VSTM4: variants seen among roughly 807,000 people sequenced by gnomAD.
VSTM4 encodes V-set and transmembrane domain-containing protein 4.
VSTM4 carries 20 observed loss-of-function variants against 36.4 expected under a neutral mutation model. The observed-to-expected ratio is 0.55, with a 90% CI of 0.39 to 0.80. The LOEUF (loss-of-function observed/expected upper bound fraction) is 0.80, where lower values mean the gene tolerates loss of function less well. Among genes scored for constraint, VSTM4 ranks in the 30% least tolerant of loss-of-function variants. The probability of loss-of-function intolerance (pLI) is 0.00; values close to 1 mark genes in which losing one functional copy is unlikely to be tolerated. For missense variants in VSTM4, 392 were observed against 404.5 expected, an observed-to-expected ratio of 0.97 and a Z score of 0.26; for synonymous variants, 182 against 173.9, an observed-to-expected ratio of 1.05 and a Z score of -0.37.
At chr10:49,047,935 C>T (rs1311447658) in intron 6 of VSTM4, among the ~76,000 whole-genome samples, 1 of 152,204 alleles carries the variant, frequency 6.6e-6, no homozygotes, top group African/African-American at 2.4e-5. Flanking sequence ...AGTCTTGGTT[C>T]TCCTAATACT....
intron 2 of VSTM4, among the ~76,000 whole-genome samples, chr10:49,100,406 T>C (rs1844646274): frequency 6.6e-6 from 1 of 152,212 alleles, no homozygotes; most frequent in Admixed American, 6.5e-5. Flanking sequence ...TTGCCAAATA[T>C]AACTCAACAA....
intron 7 of VSTM4, among the ~76,000 whole-genome samples, chr10:49,046,565 T>C (rs549118067): frequency 6.6e-6 from 1 of 152,386 alleles, no homozygotes; most frequent in Non-Finnish European, 1.5e-5. Context: ...TGAAGGTACA[T>C]GGGACCACTC....
At chr10:49,105,448 G>A (rs902578310) in intron 2 of VSTM4, among the ~76,000 whole-genome samples, 2 of 151,768 alleles carry the variant, frequency 1.3e-5, no homozygotes, top group African/African-American at 2.4e-5. Context: ...GAGGAAAGAC[G>A]AAGAAGAAAA....
intron 2 of VSTM4, among the ~76,000 whole-genome samples, chr10:49,089,537 T>C (rs1844434156): frequency 6.6e-6 from 1 of 152,158 alleles, no homozygotes; most frequent in Non-Finnish European, 1.5e-5. Flanking sequence ...CTCTCCCTAA[T>C]CTATTTATGG....
chr10:49,075,931 CTGGTT>C (rs1564584427), intron 4 of VSTM4, among the ~76,000 whole-genome samples: 1 of 152,178 alleles, frequency 6.6e-6, no homozygotes, highest in East Asian at 1.9e-4. Context: ...CAGCTGCCTC[CTGGTT>C]TGTCAGGAGC....
intron 5 of VSTM4, among the ~76,000 whole-genome samples, chr10:49,058,574 C>T (rs974454147): frequency 1.3e-4 from 20 of 151,958 alleles, no homozygotes; most frequent in Admixed American, 1.3e-3. Flanking sequence ...GAACAGTCTC[C>T]CACTCCTGAA....
intron 5 of VSTM4, among the ~76,000 whole-genome samples, 186 bp from the exon 6 acceptor site, chr10:49,048,770 G>A (rs966625190): frequency 6.6e-6 from 1 of 152,222 alleles, no homozygotes; most frequent in Non-Finnish European, 1.5e-5. Context: ...CTGGAAGTCT[G>A]GTACTGATCT....
chr10:49,072,720 A>G (rs1475822645), intron 4 of VSTM4, among the ~76,000 whole-genome samples: 1 of 152,176 alleles, frequency 6.6e-6, no homozygotes, highest in Non-Finnish European at 1.5e-5. Context: ...TGGTGACACC[A>G]CAGGGAGAGA....
At chr10:49,077,107 C>A (rs541676620) in intron 4 of VSTM4, 112 bp downstream of exon 4, 7 of 1,066,104 alleles carry the variant, frequency 6.6e-6, no homozygotes, top group South Asian at 1.5e-5. Context: ...GGTAAATAAT[C>A]CCTGACTCAC....
chr10:49,103,602 G>C (rs949481900), intron 2 of VSTM4: 55 of 1,458,490 alleles, frequency 3.8e-5, no homozygotes, highest in Non-Finnish European at 4.7e-5. Flanking sequence ...TCAGAACTGG[G>C]AGTTATTTTT....
At chr10:49,025,272 G>C (rs1843242744) in intron 7 of VSTM4, among the ~76,000 whole-genome samples, 1 of 152,192 alleles carries the variant, frequency 6.6e-6, no homozygotes. Flanking sequence ...GAGGACAGAA[G>C]AGAATGGAAG....
At position 49,107,948 on chromosome 10, in the gene VSTM4, C is replaced by T. The variant is rs1019318088; in HGVS notation, c.103G>A (p.Asp35Asn). The change falls in exon 2 of 8, where the codon GAC becomes AAC. Residue 35 changes from aspartate (D) to asparagine (N), a missense_variant. Transcript: ENST00000332853. ...NVTVSPGPVV[D>N]YLEGENATLL... Reference sequence around the variant, plus strand: ...GTGGCATTCTCCCCCTCCAGGTAGTCAACCACGGGCCCCGGGGACACAGTG... The same window carrying T: ...GTGGCATTCTCCCCCTCCAGGTAGTTAACCACGGGCCCCGGGGACACAGTG... The T allele has an allele frequency of 6.2e-7, 1 of 1,607,920 alleles. No individual in the cohort carries two copies. The highest frequency in any genetic ancestry group is 8.5e-7 in the Non-Finnish European group (1 of 1,176,880).
intron 5 of VSTM4, among the ~76,000 whole-genome samples, chr10:49,061,468 A>G (rs1319434002): frequency 6.6e-6 from 1 of 152,172 alleles, no homozygotes; most frequent in African/African-American, 2.4e-5. Flanking sequence ...CAATCAGTAG[A>G]TGAGGGGGAG....
At position 49,018,082 on chromosome 10, in the gene VSTM4, G is replaced by A. The variant is rs1374888192; in HGVS notation, c.*1568C>T. Reference sequence around the variant, plus strand: ...GTTTGCTCCCAGAAAATCAATATCTGCTTCCAATTTGGACCCTTTCCAATA... The same window carrying A: ...GTTTGCTCCCAGAAAATCAATATCTACTTCCAATTTGGACCCTTTCCAATA... On this transcript the variant is annotated 3_prime_UTR_variant, in exon 8 of 8. Coordinates refer to ENST00000332853, the MANE Select transcript of VSTM4 (RefSeq NM_001031746.5). 6.6e-6 allele frequency: 1 copy of A among 152,228 alleles called. No homozygotes were observed. The highest frequency in any genetic ancestry group is 1.5e-5 in the Non-Finnish European group (1 of 68,046). 9.4% of individuals were successfully genotyped at this position (152,228 alleles called of 1,614,324 possible). A position where few individuals can be genotyped will look rare whatever the true frequency, so the allele number is the denominator to read the frequency against.
intron 7 of VSTM4, among the ~76,000 whole-genome samples, chr10:49,020,352 C>T (rs530629234): frequency 3.1e-4 from 47 of 151,958 alleles, no homozygotes; most frequent in African/African-American, 1.1e-3. Context: ...GTAAATCAGG[C>T]CTCCAACTCA....
At chr10:49,044,306 T>G (rs896182494) in intron 7 of VSTM4, among the ~76,000 whole-genome samples, 1 of 149,270 alleles carries the variant, frequency 6.7e-6, no homozygotes, top group Non-Finnish European at 1.5e-5. Context: ...CCAGCTTGGG[T>G]GACAGAACAA....
intron 4 of VSTM4, among the ~76,000 whole-genome samples, chr10:49,074,183 T>C (rs1844132651): frequency 6.6e-6 from 1 of 152,382 alleles, no homozygotes; most frequent in Non-Finnish European, 1.5e-5. Context: ...AGAGGTGTAA[T>C]ACTAGAATTT....
chr10:49,064,608 G>A (rs998678313), intron 5 of VSTM4, 95 bp downstream of exon 5: 105 of 1,415,906 alleles, frequency 7.4e-5, no homozygotes, highest in Admixed American at 9.7e-5. Context: ...CAGACTTTTA[G>A]GTAAAACTAC....
chr10:49,039,130 TG>T (rs1001384051), intron 7 of VSTM4, among the ~76,000 whole-genome samples: 1 of 151,410 alleles, frequency 6.6e-6, no homozygotes, highest in Non-Finnish European at 1.5e-5. Context: ...TCCAGAGAAG[TG>T]GGGGGCAGAG....
Sources: gnomAD v4.1 joint callset for allele counts (sites outside exome capture counted in the v4.1 genomes callset) on GRCh38, gnomAD v4.1.1 for gene constraint, MANE v1.5 for transcripts, NCBI Gene and HGNC (gene_info 2026-07-23, HGNC 2026-07-21) for gene names.